PCDH15: variants seen among roughly 807,000 people sequenced by gnomAD.
PCDH15 encodes the protein protocadherin related 15.
PCDH15 carries 129 observed loss-of-function variants against 178.5 expected under a neutral mutation model. That is an observed-to-expected ratio of 0.72 (90% confidence interval 0.63 to 0.84). The LOEUF (loss-of-function observed/expected upper bound fraction) is 0.84. Among genes scored for constraint, PCDH15 ranks in the 40% least tolerant of loss-of-function variants. The pLI, the probability that PCDH15 is intolerant of heterozygous loss-of-function variation, is 0.00. For missense variants in PCDH15, 2,230 were observed against 2,099.9 expected (o/e 1.06, Z -1.21); for synonymous variants, 800 against 732.0 (o/e 1.09, Z -1.50).
chr10:54,788,717 G>A (rs955470476), intron 1 of PCDH15, among the ~76,000 whole-genome samples: 1 of 151,744 alleles, frequency 6.6e-6, no homozygotes, highest in African/African-American at 2.4e-5. Context: ...TCTAAGATGG[G>A]GGAAAAGTCA....
intron 2 of PCDH15, among the ~76,000 whole-genome samples, chr10:55,544,213 G>T (rs1372377483): frequency 7.8e-6 from 1 of 128,232 alleles, no homozygotes; most frequent in Non-Finnish European, 1.7e-5. Context: ...TATGTAGCTG[G>T]TTACACTTAT....
chr10:54,781,004 G>A (rs1241146636), intron 1 of PCDH15, among the ~76,000 whole-genome samples: 1 of 152,086 alleles, frequency 6.6e-6, no homozygotes, highest in Non-Finnish European at 1.5e-5. Context: ...AGGGATAAGA[G>A]CTGCAATATG....
chr10:54,756,513 A>T (rs566190574), intron 1 of PCDH15, among the ~76,000 whole-genome samples: 1 of 152,300 alleles, frequency 6.6e-6, no homozygotes, highest in East Asian at 1.9e-4. Context: ...CATAGTTTCT[A>T]TTAAAAATCT....
At chr10:54,708,132 G>A (rs1182038983) in intron 1 of PCDH15, among the ~76,000 whole-genome samples, 2 of 152,178 alleles carry the variant, frequency 1.3e-5, no homozygotes, top group Non-Finnish European at 2.9e-5. Flanking sequence ...ATGCATATTA[G>A]TGGAAAAGGC....
At chr10:55,604,421 C>A in intron 2 of PCDH15, among the ~76,000 whole-genome samples, 1 of 152,000 alleles carries the variant, frequency 6.6e-6, no homozygotes, top group East Asian at 1.9e-4. Flanking sequence ...GAACTCTCCA[C>A]CCCATATCAA....
rs1402400365 is a variant in PCDH15 at position 54,004,620 on chromosome 10, T to A, written c.2752-8855A>T. Reference sequence around the variant, plus strand: ...CCAAGGAAGTGAAAGTTCTCTGCAATGGAAACTATAAAACATGGATTCAAG... The same window carrying A: ...CCAAGGAAGTGAAAGTTCTCTGCAAAGGAAACTATAAAACATGGATTCAAG... On this transcript the variant is annotated intron_variant, in intron 20 of 37. Transcript: ENST00000644397. Among the ~76,000 whole-genome samples the A allele has an allele frequency of 2.0e-5, 3 of 151,870 alleles. No individual in the cohort carries two copies. The East Asian group carries it at 5.8e-4, about 29-fold the overall frequency.
At chr10:54,694,431 C>A (rs187021898) in intron 1 of PCDH15, among the ~76,000 whole-genome samples, 265 of 152,022 alleles carry the variant, frequency 1.7e-3, no homozygotes, top group Middle Eastern at 3.4e-3. Flanking sequence ...TACAGGCATA[C>A]CTTGTTTTGC....
intron 2 of PCDH15, among the ~76,000 whole-genome samples, chr10:54,655,300 G>GAGAGAGAGAGAGAGAGAGAGAGAC (rs1158121522): frequency 9.0e-6 from 1 of 111,316 alleles, no homozygotes; most frequent in Non-Finnish European, 2.0e-5. Flanking sequence ...GAGAGAGAGA[G>GAGAGAGAGAGAGAGAGAGAGAGAC]AGACAGAGAG....
intron 1 of PCDH15, among the ~76,000 whole-genome samples, chr10:54,677,085 A>G (rs2094803019): frequency 6.6e-6 from 1 of 152,226 alleles, no homozygotes; most frequent in African/African-American, 2.4e-5. Flanking sequence ...TCAAAAGTAT[A>G]TTCCGGCACA....
chr10:54,827,984 TA>T (rs1953159202), intron 3 of PCDH15, among the ~76,000 whole-genome samples: 1 of 152,062 alleles, frequency 6.6e-6, no homozygotes, highest in Non-Finnish European at 1.5e-5. Context: ...TATGCAATCT[TA>T]TGCTATATAC....
intron 3 of PCDH15, among the ~76,000 whole-genome samples, chr10:54,432,733 C>T (rs1056985118): frequency 6.6e-6 from 1 of 152,022 alleles, no homozygotes; most frequent in Admixed American, 6.6e-5. Flanking sequence ...CATGAAATCA[C>T]ATCAAGTTAA....
chr10:54,423,475 A>T lies in PCDH15; in HGVS notation c.158-44533T>A, dbSNP rs555763858. On this transcript the variant is annotated intron_variant, in intron 3 of 37. Transcript: ENST00000644397. Reference sequence around the variant, plus strand: ...TATTTTGAAAAGAGATAGAAAGAAGAGTTGGATTGGAGTGGGTGGGTAGGG... The same window carrying T: ...TATTTTGAAAAGAGATAGAAAGAAGTGTTGGATTGGAGTGGGTGGGTAGGG... 2.1e-3 allele frequency among the ~76,000 whole-genome samples: 323 copies of T among 151,980 alleles called. 9 individuals carry two copies. Among genetic ancestry groups the T allele is most frequent in the Middle Eastern group, 6.8e-3 (2 of 294 alleles).
intron 2 of PCDH15, among the ~76,000 whole-genome samples, chr10:55,534,333 C>T (rs760575640): frequency 2.0e-5 from 3 of 151,904 alleles, no homozygotes; most frequent in Non-Finnish European, 4.4e-5. Flanking sequence ...CTGACAAAGT[C>T]CTAATATCCA....
chr10:54,959,461 G>A (rs1369723478), intron 2 of PCDH15, among the ~76,000 whole-genome samples: 2 of 151,790 alleles, frequency 1.3e-5, no homozygotes, highest in Non-Finnish European at 2.9e-5. Context: ...TTAATTTTGG[G>A]GAACAGGAAA....
chr10:55,078,941 A>G (rs979690138), intron 2 of PCDH15, among the ~76,000 whole-genome samples: 2 of 152,306 alleles, frequency 1.3e-5, no homozygotes, highest in Admixed American at 6.5e-5. Flanking sequence ...TTTTCATTCT[A>G]TTCAATGAGT....
Position 55,193,238 on chromosome 10 carries a change from A to C in PCDH15, c.-155-26587T>G, listed in dbSNP as rs554929580. The stretch of plus-strand genomic sequence containing the variant: ...GAGATATTCAATATTCATTATAGCA[A>C]GCACCAATTAAAGAAGAACAGAATA... On this transcript the variant is annotated intron_variant, in intron 1 of 5. Coordinates refer to the PCDH15 transcript ENST00000458638. 1.4e-4 allele frequency among the ~76,000 whole-genome samples: 21 copies of C among 152,006 alleles called. No individual in the cohort carries two copies. In the East Asian group the frequency reaches 4.1e-3, roughly 29 times the overall value.
rs1306849717 is a variant in PCDH15 at position 53,803,202 on chromosome 10, C to T, written c.*3377G>A. 6.6e-6 allele frequency: 1 copy of T among 151,820 alleles called. No individual in the cohort carries two copies. Among genetic ancestry groups the T allele is most frequent in the Non-Finnish European group, 1.5e-5 (1 of 67,840 alleles). 9.4% of individuals were successfully genotyped at this position (151,820 alleles called of 1,614,324 possible). ...CTTATCGCTGTGTAATTTGCAGGCA[C>T]CAATAGGCATCTGCCCTGAGAATAG... On this transcript the variant is annotated 3_prime_UTR_variant, in exon 38 of 38. Transcript: ENST00000644397.
intron 28 of PCDH15, among the ~76,000 whole-genome samples, chr10:53,846,236 T>C (rs2077971382): frequency 6.6e-6 from 1 of 151,862 alleles, no homozygotes; most frequent in African/African-American, 2.4e-5. Flanking sequence ...AAAAATATGT[T>C]AATAAATTTG....
At chr10:54,889,939 A>T (rs1954430347) in intron 3 of PCDH15, among the ~76,000 whole-genome samples, 1 of 151,948 alleles carries the variant, frequency 6.6e-6, no homozygotes. Context: ...GAGACACATT[A>T]GCCATTGAGA....
Sources: allele counts gnomAD v4.1 joint callset (sites outside exome capture counted in the v4.1 genomes callset), GRCh38; gene constraint gnomAD v4.1.1; transcripts MANE v1.5; gene names NCBI Gene and HGNC (gene_info 2026-07-23, HGNC 2026-07-21).